MACF1: variants seen among roughly 807,000 people sequenced by gnomAD.
MACF1 encodes the protein microtubule-actin cross-linking factor 1.
A neutral mutation model predicts 854.8 loss-of-function variants in MACF1; 193 were observed. That is an observed-to-expected ratio of 0.23 (90% CI 0.20 to 0.25). The LOEUF is 0.25. Among genes scored for constraint, MACF1 ranks in the 10% least tolerant of loss-of-function variants. The pLI, the probability that MACF1 is intolerant of heterozygous loss-of-function variation, is 1.00. For missense variants in MACF1, 7,722 were observed against 8,929.1 expected, an observed-to-expected ratio of 0.86 and a Z score of 5.45; for synonymous variants, 3,185 against 3,226.7, an observed-to-expected ratio of 0.99 and a Z score of 0.44.
chr1:39,432,071 A>T (rs1387291985), intron 66 of MACF1, among the ~76,000 whole-genome samples: 1 of 152,184 alleles, frequency 6.6e-6, no homozygotes, highest in Non-Finnish European at 1.5e-5. Flanking sequence ...ATAACCATTT[A>T]AAAATGTGTT....
chr1:39,342,106 T>C (rs887391097), intron 40 of MACF1, among the ~76,000 whole-genome samples: 2 of 150,340 alleles, frequency 1.3e-5, no homozygotes, highest in African/African-American at 2.5e-5. Flanking sequence ...CTAGTATCCA[T>C]GTGTTCTTGT....
In MACF1 at chr1:39,297,709, C is replaced by T. The variant is rs561634459; in HGVS notation, c.2445C>T (p.Ser815=). 1.2e-5 allele frequency: 20 copies of T among 1,614,156 alleles called. No homozygotes were observed. In the South Asian group the frequency reaches 1.9e-4, roughly 15 times the overall value. Residue 815 remains serine, a synonymous_variant, in exon 21 of 101, where the codon AGC becomes AGT. Transcript: ENST00000564288. ...KRKYSCDHNT[S]LSRLEDLLQD... Reference sequence around the variant, plus strand: ...AATATTCCTGTGACCACAACACCAGCTTATCCCGCCTTGAAGACCTGCTCC... The same window carrying T: ...AATATTCCTGTGACCACAACACCAGTTTATCCCGCCTTGAAGACCTGCTCC...
chr1:39,092,487 T>C (rs1178522772), intron 2 of MACF1, among the ~76,000 whole-genome samples: 1 of 152,228 alleles, frequency 6.6e-6, no homozygotes, highest in East Asian at 1.9e-4. Context: ...TCTGAGGTTA[T>C]ACACTGAGCA....
intron 2 of MACF1, among the ~76,000 whole-genome samples, chr1:39,184,248 T>C (rs1204916316): frequency 6.6e-6 from 1 of 152,206 alleles, no homozygotes; most frequent in Non-Finnish European, 1.5e-5. Context: ...AGTCATGGAC[T>C]TCTTTTTCAT....
chr1:39,458,430 A>C lies in MACF1; in HGVS notation c.21136A>C (p.Lys7046Gln). The change falls in exon 90 of 101, where the codon AAA becomes CAA. Residue 7046 changes from lysine to glutamine, a missense_variant. This residue lies in a region of MACF1 where 729 missense variants were observed against 900.5 expected (regional missense o/e 0.81). Transcript: ENST00000564288. ...PDVDRVTKTY[K>Q]RKNIEPTHAP... ...CGTGGACCGGGTCACCAAGACATAC[A>C]AAAGGAAAAACATAGAGCCTACTCA... 6.2e-7 allele frequency: 1 copy of C among 1,614,178 alleles called. No homozygotes were observed. The highest frequency in any genetic ancestry group is 8.5e-7 in the Non-Finnish European group (1 of 1,180,024).
chr1:39,370,041 C>T lies in MACF1; in HGVS notation c.12950C>T (p.Ala4317Val). The T allele has an allele frequency of 2.5e-6, 4 of 1,610,168 alleles. No homozygotes were observed. The highest frequency in any genetic ancestry group is 1.1e-5 in the South Asian group (1 of 90,208). Residue 4317 changes from alanine (A) to valine (V), a missense_variant, in exon 51 of 101, where the codon GCA (alanine) becomes GTA (valine). By Grantham distance (64) the Ala-to-Val change is moderately conservative. Around this residue, in one of 15 missense-constraint regions of MACF1, gnomAD observed 2,807 missense variants for 3,235.8 expected, o/e 0.87. Transcript: ENST00000564288. ...QKTVKEREKD[A>V]SSCQEQLDEF... ...TGCTTCATTGACAGAGAGAAAGATG[C>T]ATCATCTTGCCAGGAACAGTTGGAT... is the stretch of plus-strand genomic sequence containing the variant.
chr1:39,434,977 T>A (rs1643941382), intron 69 of MACF1, among the ~76,000 whole-genome samples: 1 of 152,190 alleles, frequency 6.6e-6, no homozygotes, highest in African/African-American at 2.4e-5. Context: ...AGGCACCAAC[T>A]GGAGTGAAAG....
intron 94 of MACF1, chr1:39,464,839 C>T (rs908026220): frequency 2.4e-5 from 10 of 413,222 alleles, no homozygotes; most frequent in Admixed American, 7.5e-5. Context: ...GCTTGAACGC[C>T]GGGGTCGGAG....
intron 58 of MACF1, among the ~76,000 whole-genome samples, chr1:39,390,446 T>A (rs924363801): frequency 2.6e-5 from 4 of 152,170 alleles, no homozygotes; most frequent in Admixed American, 2.6e-4. Context: ...AGCACTAAAG[T>A]GGGACATTGG....
intron 58 of MACF1, among the ~76,000 whole-genome samples, chr1:39,389,817 C>G (rs1443516689): frequency 2.0e-5 from 3 of 152,122 alleles, no homozygotes; most frequent in Non-Finnish European, 4.4e-5. Flanking sequence ...TAAGATAAAA[C>G]ATGACACTTC....
intron 2 of MACF1, among the ~76,000 whole-genome samples, chr1:39,249,293 G>A (rs770156434): frequency 6.6e-6 from 1 of 152,054 alleles, no homozygotes; most frequent in Non-Finnish European, 1.5e-5. Context: ...AACTGAGGCC[G>A]GTTTTTCCAC....
intron 97 of MACF1, among the ~76,000 whole-genome samples, chr1:39,470,639 C>A (rs1644758584): frequency 6.6e-6 from 1 of 152,096 alleles, no homozygotes; most frequent in South Asian, 2.1e-4. Flanking sequence ...AGGCAAGACT[C>A]TTGTCTACAA....
chr1:39,190,422 T>TTTTTAC (rs1644240921), intron 2 of MACF1, among the ~76,000 whole-genome samples: 2 of 111,670 alleles, frequency 1.8e-5, no homozygotes, highest in South Asian at 3.3e-4. Flanking sequence ...TTTTTTTTGA[T>TTTTTAC]GGAATCTTGC....
At position 39,331,709 on chromosome 1, in the gene MACF1, A is replaced by G; in HGVS notation, c.5121A>G (p.Lys1707=). 1 of 1,614,174 alleles carries G rather than the reference A, an allele frequency of 6.2e-7. No homozygotes were observed. The highest frequency in any genetic ancestry group is 8.5e-7 in the Non-Finnish European group (1 of 1,180,030). The change falls in exon 37 of 101, where the codon AAA becomes AAG. Residue 1707 remains lysine, a synonymous_variant. Transcript: ENST00000564288. ...KNLIDPNTAE[K]IGLLDLMQRC... is the part of the protein sequence containing the mutation. ...TGATAGACCCTAACACAGCTGAGAA[A>G]ATTGGTTTGCTGGATCTGATGCAGC... is the stretch of plus-strand genomic sequence containing the variant.
At chr1:39,156,181 G>A (rs1030186249) in intron 2 of MACF1, among the ~76,000 whole-genome samples, 68 of 151,626 alleles carry the variant, frequency 4.5e-4, no homozygotes, top group African/African-American at 1.6e-3. Context: ...GGCCTATTTT[G>A]TATTTTTAGT....
At chr1:39,383,131 A>C (rs1650392402) in intron 56 of MACF1, among the ~76,000 whole-genome samples, 1 of 152,138 alleles carries the variant, frequency 6.6e-6, no homozygotes, top group Non-Finnish European at 1.5e-5. Context: ...AAAAAGAAAG[A>C]AATTTAGGTT....
In MACF1 at chr1:39,103,050, A is replaced by C. The variant is rs2148133734; in HGVS notation, c.220+18612A>C. The C allele has an allele frequency of 4.5e-6, 3 of 672,620 alleles. No homozygotes were observed. The East Asian group carries it at 8.4e-5, about 19-fold the overall frequency. 41.7% of individuals were successfully genotyped at this position (672,620 alleles called of 1,614,324 possible). A position where few individuals can be genotyped will look rare whatever the true frequency, so the allele number is the denominator to read the frequency against. On this transcript the variant is annotated intron_variant, in intron 2 of 93. Transcript: ENST00000361689. ...TTTCAAAATCTCCTGGGAGCATTTA[A>C]ATGCAAATTTTGTCAAGAAAGCAAT...
At chr1:39,207,944 G>C (rs1459094536) in intron 1 of MACF1, among the ~76,000 whole-genome samples, 1 of 151,654 alleles carries the variant, frequency 6.6e-6, no homozygotes, top group Non-Finnish European at 1.5e-5. Flanking sequence ...GACCAGCCTG[G>C]TCAACATGGT....
Position 39,357,440 on chromosome 1 carries a change from C to T in MACF1, c.11490C>T (p.Ala3830=), listed in dbSNP as rs780653052. Reference sequence around the variant, plus strand: ...TTCTGGCCACCCAGTCAGCTCAGGCCTTCTTGGATCAGCATGGCCACAATC... The same window carrying T: ...TTCTGGCCACCCAGTCAGCTCAGGCTTTCTTGGATCAGCATGGCCACAATC... ...NFILATQSAQ[A]FLDQHGHNLT... Residue 3830 remains alanine (A), a synonymous_variant, in exon 45 of 101, where the codon GCC becomes GCT. Transcript: ENST00000564288. 1 of 1,614,160 alleles carries T rather than the reference C, an allele frequency of 6.2e-7. No homozygotes were observed. Among genetic ancestry groups the T allele is most frequent in the Non-Finnish European group, 8.5e-7 (1 of 1,180,036 alleles).
Sources: allele counts gnomAD v4.1 joint callset (sites outside exome capture counted in the v4.1 genomes callset), GRCh38; gene constraint gnomAD v4.1.1; regional missense constraint gnomAD v4.1.1; transcripts MANE v1.5; gene names NCBI Gene and HGNC (gene_info 2026-07-23, HGNC 2026-07-21).